The following QKI variants were observed in gnomAD, a reference collection of about 807,000 sequenced individuals.
The protein encoded by QKI is KH domain-containing RNA-binding protein QKI.
A neutral mutation model predicts 39.0 loss-of-function variants in QKI; 10 were observed. The observed-to-expected ratio is 0.26, with a 90% confidence interval of 0.16 to 0.43. QKI has a LOEUF of 0.43. Ranked by LOEUF, QKI falls within the 20% of genes least tolerant of loss-of-function variation. The pLI, the probability that QKI is intolerant of heterozygous loss-of-function variation, is 1.00. For synonymous variants in QKI, 204 were observed against 155.4 expected (o/e 1.31, Z -2.33); for missense variants, 218 against 428.0 (o/e 0.51, Z 4.33).
intron 3 of QKI, among the ~76,000 whole-genome samples, chr6:163,479,107 G>A (rs1258396540): frequency 7.7e-6 from 1 of 129,806 alleles, no homozygotes; most frequent in Non-Finnish European, 1.6e-5. Context: ...CCAACATGGT[G>A]AAACCCTGTC....
intron 3 of QKI, among the ~76,000 whole-genome samples, chr6:163,481,875 G>A (rs75765523): frequency 0.076 from 11,530 of 152,090 alleles, 629 homozygotes; most frequent in East Asian, 0.25. Flanking sequence ...AAGGTCACAC[G>A]CCAAAATGTG....
At chr6:163,415,366 C>G (rs369372840) in intron 1 of QKI, 31 bp downstream of exon 1, 1 of 1,561,354 alleles carries the variant, frequency 6.4e-7, no homozygotes, top group Admixed American at 1.7e-5. Flanking sequence ...GGCCCCGGCC[C>G]GACCCCCGCC....
At chr6:163,485,521 A>G (rs1777600728) in intron 3 of QKI, among the ~76,000 whole-genome samples, 1 of 152,184 alleles carries the variant, frequency 6.6e-6, no homozygotes, top group South Asian at 2.1e-4. Context: ...TGTAGGGGAC[A>G]CCATTTGTGG....
chr6:163,548,023 A>G (rs1295880677), intron 4 of QKI, among the ~76,000 whole-genome samples: 1 of 152,156 alleles, frequency 6.6e-6, no homozygotes, highest in East Asian at 1.9e-4. Context: ...ACCCACACAT[A>G]TTAAATAACT....
At chr6:163,478,934 A>G (rs1235483569) in intron 3 of QKI, 38 bp downstream of exon 3, 3 of 1,419,026 alleles carry the variant, frequency 2.1e-6, no homozygotes, top group East Asian at 2.3e-5. Flanking sequence ...TTATGTGAGT[A>G]ACTTACTATA....
intron 1 of QKI, among the ~76,000 whole-genome samples, chr6:163,454,148 A>G (rs933556034): frequency 2.6e-5 from 4 of 152,162 alleles, no homozygotes; most frequent in African/African-American, 9.7e-5. Flanking sequence ...GAGACATTAC[A>G]TCTGCATCTG....
chr6:163,462,811 C>T (rs562371576), intron 2 of QKI, among the ~76,000 whole-genome samples: 65 of 152,180 alleles, frequency 4.3e-4, no homozygotes, highest in Admixed American at 8.5e-4. Flanking sequence ...ATAATGAGAG[C>T]TTGAACTCAG....
intron 3 of QKI, among the ~76,000 whole-genome samples, chr6:163,503,272 G>A (rs761308780): frequency 1.5e-4 from 23 of 151,050 alleles, no homozygotes; most frequent in Non-Finnish European, 2.1e-4. Context: ...GTGAGCCACT[G>A]CGCCCAGCTG....
chr6:163,542,227 G>A (rs981215279), intron 4 of QKI, among the ~76,000 whole-genome samples: 1 of 151,908 alleles, frequency 6.6e-6, no homozygotes, highest in Non-Finnish European at 1.5e-5. Flanking sequence ...TGCTTCTCAG[G>A]TATCAGATAC....
At chr6:163,439,508 T>A (rs375973873) in intron 1 of QKI, among the ~76,000 whole-genome samples, 56 of 150,758 alleles carry the variant, frequency 3.7e-4, no homozygotes, top group Middle Eastern at 3.2e-3. Context: ...CCACCACACA[T>A]GGCTAATTTT....
chr6:163,512,448 A>G (rs1270626553), intron 3 of QKI, among the ~76,000 whole-genome samples: 3 of 152,092 alleles, frequency 2.0e-5, no homozygotes, highest in African/African-American at 7.2e-5. Flanking sequence ...TCCAGCAAGA[A>G]GAGATCATGA....
chr6:163,415,810 G>C (rs1256679006), intron 1 of QKI: 1 of 444,550 alleles, frequency 2.2e-6, no homozygotes, highest in Non-Finnish European at 4.5e-6. Flanking sequence ...CCACCGCCCC[G>C]CGTTCGGGAG....
intron 2 of QKI, among the ~76,000 whole-genome samples, chr6:163,458,399 C>T (rs1001800225): frequency 1.3e-5 from 2 of 152,108 alleles, no homozygotes; most frequent in Admixed American, 1.3e-4. Context: ...GGGCAGGAAT[C>T]TTTTTGTCTT....
At chr6:163,507,605 C>T (rs1431793199) in intron 3 of QKI, among the ~76,000 whole-genome samples, 1 of 152,134 alleles carries the variant, frequency 6.6e-6, no homozygotes, top group African/African-American at 2.4e-5. Context: ...TAGCTGACCC[C>T]AGGATTATAT....
chr6:163,504,323 A>G (rs1778964328), intron 3 of QKI, among the ~76,000 whole-genome samples: 1 of 152,034 alleles, frequency 6.6e-6, no homozygotes, highest in African/African-American at 2.4e-5. Context: ...TTTGCTTAGG[A>G]TTGCTTTTCC....
chr6:163,449,232 TG>T (rs1395465775), intron 1 of QKI, among the ~76,000 whole-genome samples: 3 of 152,212 alleles, frequency 2.0e-5, no homozygotes, highest in African/African-American at 7.2e-5. Context: ...CCTCATAAAA[TG>T]TATTTTATGT....
At chr6:163,560,003 A>G (rs1452649105) in intron 4 of QKI, among the ~76,000 whole-genome samples, 1 of 152,226 alleles carries the variant, frequency 6.6e-6, no homozygotes, top group Non-Finnish European at 1.5e-5. Flanking sequence ...AGACTTTGAT[A>G]GATGGACCCT....
chr6:163,481,384 C>T (rs910999398), intron 3 of QKI, among the ~76,000 whole-genome samples: 5 of 152,168 alleles, frequency 3.3e-5, no homozygotes, highest in African/African-American at 1.2e-4. Flanking sequence ...CTGGTAAACT[C>T]AGTGAGAGCC....
At chr6:163,570,155 G>T in intron 7 of QKI, 2 of 985,746 alleles carry the variant, frequency 2.0e-6, no homozygotes, top group Non-Finnish European at 2.4e-6. Flanking sequence ...ACCTTGTTTG[G>T]CCCAGAGTTT....
Sources: allele counts gnomAD v4.1 joint callset (sites outside exome capture counted in the v4.1 genomes callset), GRCh38; gene constraint gnomAD v4.1.1; transcripts MANE v1.5; gene names NCBI Gene and HGNC (gene_info 2026-07-23, HGNC 2026-07-21).